The following SAMD5 variants were observed in gnomAD, a reference collection of about 807,000 sequenced individuals.
SAMD5 encodes sterile alpha motif domain containing 5.
A neutral mutation model predicts 11.3 loss-of-function variants in SAMD5; 13 were observed. That is an observed-to-expected ratio of 1.15 (90% CI 0.75 to 1.83). The LOEUF (loss-of-function observed/expected upper bound fraction) is 1.83, where lower values mean the gene tolerates loss of function less well. SAMD5 is among the 40% of genes most tolerant of loss of function. The pLI is 0.00. For synonymous variants in SAMD5, 129 were observed against 111.3 expected (o/e 1.16, Z -1.00); for missense variants, 255 against 239.1 (o/e 1.07, Z -0.44).
At chr6:147,585,618 G>A (rs702353) in intron 1 of SAMD5, among the ~76,000 whole-genome samples, 89,687 of 151,918 alleles carry the variant, frequency 0.59, 26,666 homozygotes, top group Middle Eastern at 0.65. Context: ...TGGCCTGAGA[G>A]AAAAGTGTTC....
chr6:147,951,671 G>A, the SAMD5 span, among the ~76,000 whole-genome samples: 3 of 152,130 alleles, frequency 2.0e-5, no homozygotes, highest in African/African-American at 7.2e-5. Flanking sequence ...ATTTTATTTG[G>A]TGGCTTATGT....
At chr6:147,798,407 G>A in the SAMD5 span, among the ~76,000 whole-genome samples, 139 of 150,234 alleles carry the variant, frequency 9.3e-4, 1 homozygote, top group African/African-American at 3.2e-3. Flanking sequence ...CTGAGTTCTA[G>A]TTTGATCGCA....
At chr6:147,683,436 T>C (rs946773307) in intron 1 of SAMD5, among the ~76,000 whole-genome samples, 28 of 152,238 alleles carry the variant, frequency 1.8e-4, no homozygotes, top group African/African-American at 6.8e-4. Flanking sequence ...TGCAGATGTA[T>C]TTAAAATATG....
At chr6:147,855,160 G>A in the SAMD5 span, among the ~76,000 whole-genome samples, 1 of 152,128 alleles carries the variant, frequency 6.6e-6, no homozygotes, top group African/African-American at 2.4e-5. Flanking sequence ...AGTGAAATCA[G>A]TCTTAAAATT....
intron 1 of SAMD5, among the ~76,000 whole-genome samples, chr6:147,724,939 A>G (rs999841060): frequency 6.6e-6 from 1 of 152,102 alleles, no homozygotes; most frequent in Non-Finnish European, 1.5e-5. Context: ...AAAACTAGCT[A>G]ATGTATGAGT....
chr6:147,937,778 G>C, the SAMD5 span, among the ~76,000 whole-genome samples: 1 of 152,164 alleles, frequency 6.6e-6, no homozygotes, highest in Non-Finnish European at 1.5e-5. Flanking sequence ...TCGCACCATA[G>C]ATTTAAGAAA....
chr6:147,751,166 G>A, the SAMD5 span, among the ~76,000 whole-genome samples: 109 of 152,152 alleles, frequency 7.2e-4, no homozygotes, highest in African/African-American at 2.5e-3. Flanking sequence ...TTCTCTTGTC[G>A]AGACCCTTCA....
At chr6:147,635,143 AT>A (rs948244047) in intron 1 of SAMD5, among the ~76,000 whole-genome samples, 107 of 152,164 alleles carry the variant, frequency 7.0e-4, no homozygotes, top group African/African-American at 2.2e-3. Flanking sequence ...ATATCCTGAA[AT>A]TGTTGGGTTT....
chr6:147,820,124 T>A, the SAMD5 span, among the ~76,000 whole-genome samples: 1 of 152,172 alleles, frequency 6.6e-6, no homozygotes, highest in Admixed American at 6.5e-5. Context: ...ATACTTTCAG[T>A]TGGAGAAACT....
chr6:147,720,804 C>T (rs980374342), intron 1 of SAMD5, among the ~76,000 whole-genome samples: 1 of 148,548 alleles, frequency 6.7e-6, no homozygotes, highest in Non-Finnish European at 1.5e-5. Context: ...CCCACTAACT[C>T]GTCATCTAGC....
the SAMD5 span, among the ~76,000 whole-genome samples, chr6:147,856,314 A>C: frequency 6.6e-6 from 1 of 152,114 alleles, no homozygotes; most frequent in African/African-American, 2.4e-5. Flanking sequence ...AGGAGGGAGA[A>C]ATGACAAAGG....
At chr6:147,810,115 GT>G in the SAMD5 span, among the ~76,000 whole-genome samples, 1 of 152,078 alleles carries the variant, frequency 6.6e-6, no homozygotes, top group Admixed American at 6.5e-5. Context: ...ATTTTGATTT[GT>G]TTTTCTAGAA....
chr6:147,537,430 C>A (rs1302690891), intron 1 of SAMD5, among the ~76,000 whole-genome samples: 2 of 152,140 alleles, frequency 1.3e-5, no homozygotes, highest in East Asian at 3.9e-4. Flanking sequence ...ATTCATTTGG[C>A]CAAAATGGTA....
chr6:147,604,692 T>G (rs1459369112), intron 1 of SAMD5, among the ~76,000 whole-genome samples: 1 of 152,216 alleles, frequency 6.6e-6, no homozygotes, highest in East Asian at 1.9e-4. Context: ...TAATTAAGCT[T>G]CAGCATCATG....
At chr6:147,713,270 C>T (rs1791424049) in intron 1 of SAMD5, among the ~76,000 whole-genome samples, 2 of 152,192 alleles carry the variant, frequency 1.3e-5, no homozygotes, top group African/African-American at 4.8e-5. Context: ...CAAAGGTTCT[C>T]TAACAGTTGC....
intron 1 of SAMD5, among the ~76,000 whole-genome samples, chr6:147,548,092 A>G (rs568826257): frequency 2.0e-5 from 3 of 151,110 alleles, no homozygotes; most frequent in Admixed American, 6.6e-5. Context: ...ATCTCATTTA[A>G]TAAGTTCAAC....
chr6:147,902,882 C>G, the SAMD5 span, among the ~76,000 whole-genome samples: 5 of 152,272 alleles, frequency 3.3e-5, no homozygotes, highest in African/African-American at 1.2e-4. Context: ...ATTCTGAAGT[C>G]AGAAACAGTG....
intron 1 of SAMD5, among the ~76,000 whole-genome samples, chr6:147,668,182 A>G (rs988492803): frequency 6.6e-6 from 1 of 152,178 alleles, no homozygotes; most frequent in Non-Finnish European, 1.5e-5. Flanking sequence ...TAAACATTCT[A>G]TGTATATTTT....
rs1293178411 is a variant in SAMD5 at position 147,567,622 on chromosome 6, A to T, written c.*3166A>T. On this transcript the variant is annotated 3_prime_UTR_variant, in exon 2 of 2. Transcript: ENST00000367474. ...TACAGTCCTTGGCTCAGTGCTAGGC[A>T]TGTAGCAGGTGCTGACTGCCTCTCT... 6 of 980,636 alleles carry T rather than the reference A, an allele frequency of 6.1e-6. No individual in the cohort carries two copies. The highest frequency in any genetic ancestry group is 7.3e-6 in the Non-Finnish European group (6 of 825,684). 60.7% of individuals were successfully genotyped at this position (980,636 alleles called of 1,614,324 possible). A position where few individuals can be genotyped will look rare whatever the true frequency, so the allele number is the denominator to read the frequency against.
Sources: allele counts gnomAD v4.1 joint callset (sites outside exome capture counted in the v4.1 genomes callset), GRCh38; gene constraint gnomAD v4.1.1; transcripts MANE v1.5; gene names NCBI Gene and HGNC (gene_info 2026-07-23, HGNC 2026-07-21).